Variants in ABCG2 observed in about 807,000 individuals in gnomAD.
The protein encoded by ABCG2 is broad substrate specificity ATP-binding cassette transporter ABCG2.
A neutral mutation model predicts 73.5 loss-of-function variants in ABCG2; 80 were observed. The observed-to-expected ratio is 1.09, with a 90% CI of 0.91 to 1.31. The LOEUF (loss-of-function observed/expected upper bound fraction) is 1.31. ABCG2 is among the 50% of genes most tolerant of loss of function. The probability of loss-of-function intolerance (pLI) is 0.00; values close to 1 mark genes in which losing one functional copy is unlikely to be tolerated. For synonymous variants in ABCG2, 269 were observed against 282.4 expected (o/e 0.95, Z 0.48); for missense variants, 796 against 786.2 (o/e 1.01, Z -0.15).
chr4:88,102,842 A>G (rs1245331458), intron 10 of ABCG2, among the ~76,000 whole-genome samples: 1 of 152,186 alleles, frequency 6.6e-6, no homozygotes, highest in Non-Finnish European at 1.5e-5. Flanking sequence ...CAATTACATT[A>G]AAAGAAAAAA....
rs149339865 is a variant in ABCG2, at chr4:88,131,895, T to C, written c.286A>G (p.Arg96Gly). 5.6e-6 allele frequency: 9 copies of C among 1,613,940 alleles called. No homozygotes were observed. The highest frequency in any genetic ancestry group is 2.2e-5 in the East Asian group (1 of 44,864). Residue 96 changes from arginine to glycine, a missense_variant, in exon 4 of 16, where the codon AGG becomes GGG. By Grantham distance (125) the Arg-to-Gly change is moderately radical. Transcript: ENST00000237612. The part of the protein sequence containing the change: ...KSSLLDVLAA[R>G]KDPSGLSGDV... ...CCAGATAATCCACTTGGATCTTTCC[T>C]TGCAGCTAAGACATCTAATAACCTA...
Position 88,139,978 on chromosome 4 carries a change from G to A in ABCG2, c.18C>T (p.Val6=), listed in dbSNP as rs145881726. 1.3e-4 allele frequency: 212 copies of A among 1,613,840 alleles called. No homozygotes were observed. The highest frequency in any genetic ancestry group is 1.6e-4 in the Non-Finnish European group (190 of 1,179,972). The change falls in exon 2 of 16, where the codon GTC becomes GTT. Residue 6 remains valine (V), a synonymous_variant. Coordinates refer to ENST00000237612, the MANE Select transcript of ABCG2 (RefSeq NM_004827.3). MSSSN[V]EVFIPVSQGN... ...CTTGTGACACTGGGATAAAAACTTC[G>A]ACATTACTGGAAGACATCTGGAGAG... is the stretch of plus-strand genomic sequence containing the variant.
chr4:88,196,240 G>A (rs1425121184), intron 1 of ABCG2, among the ~76,000 whole-genome samples: 2 of 152,140 alleles, frequency 1.3e-5, no homozygotes, highest in East Asian at 1.9e-4. Context: ...GGGTGACTTT[G>A]ACTAAATCAG....
intron 5 of ABCG2, among the ~76,000 whole-genome samples, chr4:88,122,314 A>G (rs566288367): frequency 2.0e-5 from 3 of 149,186 alleles, no homozygotes; most frequent in African/African-American, 7.2e-5. Context: ...CAGCGCGACA[A>G]AACTGTTCAC....
In ABCG2 at chr4:88,091,878, TACTA is replaced by T. The variant is rs920711624; in HGVS notation, c.*352_*355del. ...TCATAAAGTATTAAGACTGAAGGGC[TACTA>T]ACCTACCTATTCATTTTAAAGATGA... On this transcript the variant is annotated 3_prime_UTR_variant, in exon 16 of 16. Transcript: ENST00000237612. 3 of 189,920 alleles carry T rather than the reference TACTA, an allele frequency of 1.6e-5. No individual in the cohort carries two copies. Among genetic ancestry groups the T allele is most frequent in the Non-Finnish European group, 3.3e-5 (3 of 91,092 alleles). The allele number at this position is 189,920 out of a possible 1,614,324, so 11.8% of individuals were successfully genotyped here.
intron 9 of ABCG2, among the ~76,000 whole-genome samples, chr4:88,110,453 G>A (rs1723059699): frequency 1.3e-5 from 2 of 152,054 alleles, no homozygotes; most frequent in Admixed American, 1.3e-4. Context: ...TGAGGCAGGA[G>A]AATTGCTTGA....
At chr4:88,138,177 T>A (rs1725379671) in intron 2 of ABCG2, among the ~76,000 whole-genome samples, 1 of 152,196 alleles carries the variant, frequency 6.6e-6, no homozygotes. Context: ...TGAAATCATT[T>A]CAAAGTAAGT....
intron 2 of ABCG2, 82 bp from the exon 3 acceptor site, chr4:88,132,717 A>C: frequency 1.7e-5 from 24 of 1,431,058 alleles, no homozygotes; most frequent in East Asian, 2.3e-5. Flanking sequence ...GAATATACTC[A>C]ATGAAGGTTG....
intron 1 of ABCG2, chr4:88,226,607 T>G (rs1730222633): frequency 6.6e-6 from 1 of 152,276 alleles, no homozygotes; most frequent in African/African-American, 2.4e-5. Flanking sequence ...TTTTATAGAT[T>G]AGGCAACTGA....
At chr4:88,145,559 T>A (rs1725929190) in intron 1 of ABCG2, among the ~76,000 whole-genome samples, 1 of 152,030 alleles carries the variant, frequency 6.6e-6, no homozygotes, top group African/African-American at 2.4e-5. Context: ...AGAGACCCCA[T>A]CACCAAAGGG....
intron 1 of ABCG2, among the ~76,000 whole-genome samples, chr4:88,198,161 G>A (rs954431223): frequency 5.3e-5 from 8 of 151,580 alleles, no homozygotes; most frequent in East Asian, 1.9e-4. Flanking sequence ...GTGAAACCCC[G>A]TCTCTACTAA....
At chr4:88,097,699 T>C in intron 12 of ABCG2, 92 bp from the exon 13 acceptor site, 1 of 1,340,248 alleles carries the variant, frequency 7.5e-7, no homozygotes, top group Non-Finnish European at 1.0e-6. Context: ...ACTAATATTT[T>C]GAGAAACTAA....
upstream of ABCG2, among the ~76,000 whole-genome samples, chr4:88,160,111 C>T (rs1012960162): frequency 2.0e-5 from 3 of 151,628 alleles, no homozygotes; most frequent in Admixed American, 6.6e-5. Flanking sequence ...GGTGTGGTGG[C>T]GAGGCTGTAA....
chr4:88,161,312 C>T (rs1250270324), upstream of ABCG2, among the ~76,000 whole-genome samples: 1 of 97,848 alleles, frequency 1.0e-5, no homozygotes, highest in Non-Finnish European at 2.0e-5. Flanking sequence ...CCAATGCTAT[C>T]CCTCCCCCCT....
At chr4:88,124,395 C>A (rs953777051) in intron 5 of ABCG2, among the ~76,000 whole-genome samples, 2 of 152,148 alleles carry the variant, frequency 1.3e-5, no homozygotes, top group African/African-American at 4.8e-5. Context: ...CAAGACCCAT[C>A]GGTGTGCTGT....
intron 1 of ABCG2, among the ~76,000 whole-genome samples, chr4:88,177,232 A>G (rs2725238): frequency 0.99 from 151,201 of 152,136 alleles, 75,144 homozygotes; most frequent in Middle Eastern, 1. Context: ...AAAATTAGCC[A>G]GCATGGTGGC....
At chr4:88,159,569 G>GTGAC (rs1206239340), upstream of ABCG2, among the ~76,000 whole-genome samples, 1 of 152,042 alleles carries the variant, frequency 6.6e-6, no homozygotes, top group Non-Finnish European at 1.5e-5. Context: ...GGCTTTGTGA[G>GTGAC]TGTAGCCATC....
At chr4:88,130,585 T>G (rs751180301) in intron 5 of ABCG2, among the ~76,000 whole-genome samples, 1 of 152,086 alleles carries the variant, frequency 6.6e-6, no homozygotes, top group Non-Finnish European at 1.5e-5. Flanking sequence ...ATAAAACTGG[T>G]CCCTGGTGGC....
At chr4:88,199,934 A>G (rs35147631) in intron 1 of ABCG2, among the ~76,000 whole-genome samples, 43,469 of 152,074 alleles carry the variant, frequency 0.29, 6,825 homozygotes, top group Middle Eastern at 0.42. Context: ...CCCGGCAGGC[A>G]GAGCTTGCAG....
Sources: allele counts gnomAD v4.1 joint callset (sites outside exome capture counted in the v4.1 genomes callset), GRCh38; gene constraint gnomAD v4.1.1; transcripts MANE v1.5; gene names NCBI Gene and HGNC (gene_info 2026-07-23, HGNC 2026-07-21).